TEK: variants seen among roughly 807,000 people sequenced by gnomAD.
TEK encodes angiopoietin-1 receptor.
In TEK, 43 loss-of-function variants were observed where a neutral mutation model predicts 131.8. That is an observed-to-expected ratio of 0.33 (90% CI 0.26 to 0.42). The LOEUF is 0.42. TEK is among the 10% of genes least tolerant of loss of function. The probability of loss-of-function intolerance (pLI) is 1.00; values close to 1 mark genes in which losing one functional copy is unlikely to be tolerated. For synonymous variants in TEK, 580 were observed against 491.6 expected (o/e 1.18, Z -2.38); for missense variants, 1,162 against 1,384.4 (o/e 0.84, Z 2.55).
At chr9:27,207,837 T>C (rs1333453489) in intron 15 of TEK, among the ~76,000 whole-genome samples, 19 of 152,182 alleles carry the variant, frequency 1.2e-4, no homozygotes, top group Non-Finnish European at 1.5e-5. Flanking sequence ...TTAGGAAGAC[T>C]AACAAAACAA....
At chr9:27,169,252 T>G (rs1564072996) in intron 3 of TEK, among the ~76,000 whole-genome samples, 1 of 152,228 alleles carries the variant, frequency 6.6e-6, no homozygotes, top group Admixed American at 6.5e-5. Context: ...TTCATGTGTT[T>G]GGTGGTAGAT....
At chr9:27,157,793 A>G (rs1823389287) in intron 1 of TEK, 38 bp from the exon 2 acceptor site, 1 of 1,609,668 alleles carries the variant, frequency 6.2e-7, no homozygotes, top group Non-Finnish European at 8.5e-7. Flanking sequence ...TCATGTTAAT[A>G]ACCTTAGTCA....
intron 1 of TEK, among the ~76,000 whole-genome samples, chr9:27,146,592 G>T (rs10967736): frequency 0.057 from 8,625 of 151,970 alleles, 833 homozygotes; most frequent in African/African-American, 0.2. Context: ...GTAGCAATAG[G>T]TTTTTTCTTT....
At chr9:27,120,123 G>A (rs1435768671) in intron 1 of TEK, among the ~76,000 whole-genome samples, 2 of 152,186 alleles carry the variant, frequency 1.3e-5, no homozygotes, top group African/African-American at 4.8e-5. Flanking sequence ...GACGGTGGTG[G>A]CAGTGGTGAT....
At chr9:27,180,504 C>T (rs1430202447) in intron 7 of TEK, 136 bp downstream of exon 7, 3 of 1,259,234 alleles carry the variant, frequency 2.4e-6, no homozygotes, top group African/African-American at 3.0e-5. Flanking sequence ...AATAGTTTAT[C>T]CTAAATCCTA....
chr9:27,217,859 G>A lies in TEK; in HGVS notation c.3062+101G>A, dbSNP rs62546532. 603 of 996,762 alleles carry A rather than the reference G, an allele frequency of 6.0e-4. 3 individuals are homozygous for A. The African/African-American group carries it at 8.7e-3, about 14-fold the overall frequency. 61.7% of individuals were successfully genotyped at this position (996,762 alleles called of 1,614,324 possible). A position where few individuals can be genotyped will look rare whatever the true frequency, so the allele number is the denominator to read the frequency against. ...GATACAGGAATGTCCTGTAGCTCTC[G>A]GGAACAAAGGTAACTAAAAAGCTCA... On this transcript the variant is annotated intron_variant, in intron 19 of 22. Transcript: ENST00000380036.
At chr9:27,134,051 T>G (rs1287192063) in intron 1 of TEK, among the ~76,000 whole-genome samples, 1 of 152,190 alleles carries the variant, frequency 6.6e-6, no homozygotes, top group South Asian at 2.1e-4. Flanking sequence ...GGCTGTAGAC[T>G]GGAAACCAGA....
intron 1 of TEK, among the ~76,000 whole-genome samples, chr9:27,137,562 T>C (rs1447425154): frequency 6.6e-6 from 1 of 152,176 alleles, no homozygotes; most frequent in Non-Finnish European, 1.5e-5. Flanking sequence ...TTAGGCTTTT[T>C]ACTTTTTGAG....
At chr9:27,120,474 A>G (rs1821744132) in intron 1 of TEK, among the ~76,000 whole-genome samples, 1 of 152,262 alleles carries the variant, frequency 6.6e-6, no homozygotes, top group African/African-American at 2.4e-5. Flanking sequence ...GCATATGTGC[A>G]GGTGGATTAT....
In TEK at chr9:27,212,789, C is replaced by T. The variant is rs1825683365; in HGVS notation, c.2769C>T (p.Asp923=). The change falls in exon 17 of 23, where the codon GAC becomes GAT. Residue 923 remains aspartate, a synonymous_variant. Transcript: ENST00000380036. ...GCAAGAGCCGTGTGCTGGAGACGGACCCAGCATTTGCCATTGCCAATAGCA... is the reference window on the plus strand; with the variant it reads ...GCAAGAGCCGTGTGCTGGAGACGGATCCAGCATTTGCCATTGCCAATAGCA... ...FLRKSRVLET[D]PAFAIANSTA... is the part of the protein sequence containing the mutation. The T allele has an allele frequency of 6.2e-7, 1 of 1,614,090 alleles. No individual in the cohort carries two copies. The highest frequency in any genetic ancestry group is 1.3e-5 in the African/African-American group (1 of 75,020).
intron 1 of TEK, among the ~76,000 whole-genome samples, chr9:27,144,046 G>A (rs1478959964): frequency 6.6e-6 from 1 of 152,260 alleles, no homozygotes; most frequent in African/African-American, 2.4e-5. Flanking sequence ...CACTTTGGGA[G>A]GCTGAGGTGG....
intron 1 of TEK, among the ~76,000 whole-genome samples, chr9:27,143,308 C>A (rs1468428682): frequency 2.0e-5 from 3 of 152,126 alleles, no homozygotes; most frequent in Non-Finnish European, 1.5e-5. Context: ...AATAGCCTGA[C>A]CACACTGTCC....
At chr9:27,211,120 T>A (rs897525609) in intron 16 of TEK, among the ~76,000 whole-genome samples, 2 of 137,130 alleles carry the variant, frequency 1.5e-5, no homozygotes, top group Non-Finnish European at 1.6e-5. Context: ...AGACTCAGTT[T>A]AAAAAAAAAT....
At chr9:27,211,463 T>TTCG (rs780555831) in intron 16 of TEK, among the ~76,000 whole-genome samples, 1 of 15,784 alleles carries the variant, frequency 6.3e-5, no homozygotes, top group African/African-American at 4.4e-4. Flanking sequence ...TTGAGATAGA[T>TTCG]AGATAGATAG....
intron 21 of TEK, among the ~76,000 whole-genome samples, chr9:27,227,852 G>C (rs150284822): frequency 1.6e-3 from 249 of 152,274 alleles, no homozygotes; most frequent in Non-Finnish European, 3.0e-3. Context: ...TTATGTGGGT[G>C]GCATTTTACA....
chr9:27,173,381 C>T lies in TEK; in HGVS notation c.901+19C>T. Reference sequence around the variant, plus strand: ...AATGAAGGTATGCACCAATCACACCCTTGGACAGAGGATGTTCTAGCAGGT... The same window carrying T: ...AATGAAGGTATGCACCAATCACACCTTTGGACAGAGGATGTTCTAGCAGGT... On this transcript the variant is annotated intron_variant, in intron 6 of 22. Coordinates refer to ENST00000380036, the MANE Select transcript of TEK (RefSeq NM_000459.5). 3.1e-6 allele frequency: 5 copies of T among 1,613,644 alleles called. No homozygotes were observed. The highest frequency in any genetic ancestry group is 4.2e-6 in the Non-Finnish European group (5 of 1,179,720).
intron 1 of TEK, among the ~76,000 whole-genome samples, chr9:27,115,831 A>G (rs1821534555): frequency 6.6e-6 from 1 of 152,258 alleles, no homozygotes; most frequent in Non-Finnish European, 1.5e-5. Flanking sequence ...GCTGTAATGT[A>G]GGATGAAGGT....
At chr9:27,214,031 T>C (rs2131230927) in intron 18 of TEK, among the ~76,000 whole-genome samples, 1 of 152,304 alleles carries the variant, frequency 6.6e-6, no homozygotes, top group South Asian at 2.1e-4. Context: ...TACAGAGAAA[T>C]TCATAACTTC....
chr9:27,200,220 G>A (rs919280979), intron 12 of TEK, among the ~76,000 whole-genome samples: 1 of 152,006 alleles, frequency 6.6e-6, no homozygotes, highest in Non-Finnish European at 1.5e-5. Context: ...GTTTGTTCCT[G>A]TACCATTTCC....
Sources: allele counts gnomAD v4.1 joint callset (sites outside exome capture counted in the v4.1 genomes callset), GRCh38; gene constraint gnomAD v4.1.1; transcripts MANE v1.5; gene names NCBI Gene and HGNC (gene_info 2026-07-23, HGNC 2026-07-21).